Variants in TBC1D2B observed in about 807,000 individuals in gnomAD.
TBC1D2B encodes the protein TBC1 domain family, member 2B.
Under a neutral mutation model 100.8 loss-of-function variants are expected in TBC1D2B, and 64 were observed. That is an observed-to-expected ratio of 0.64 (90% confidence interval 0.52 to 0.78). TBC1D2B has a LOEUF of 0.78. TBC1D2B is among the 30% of genes least tolerant of loss of function. TBC1D2B has a pLI of 0.00. For synonymous variants in TBC1D2B, 480 were observed against 479.7 expected, an observed-to-expected ratio of 1.00 and a Z score of -0.01; for missense variants, 1,052 against 1,218.4, an observed-to-expected ratio of 0.86 and a Z score of 2.03.
rs1264452769 is a variant in TBC1D2B, at chr15:78,030,103, TG to T, written c.750del (p.Asn251MetfsTer7). ...HNDSRRTVFY[T>X]NEEWELLDPT... is the part of the protein sequence containing the mutation. ...GGGTCTAAAAGTTCCCACTCTTCAT[TG>T]GTATAAAACACAGTCCTCCGACTAT... On this transcript the variant is annotated frameshift_variant, in exon 4 of 13. Coordinates refer to ENST00000300584, the MANE Select transcript of TBC1D2B (RefSeq NM_144572.2). LOFTEE classifies it high-confidence loss of function. The T allele has an allele frequency of 6.2e-7, 1 of 1,613,798 alleles. No individual in the cohort carries two copies. Among genetic ancestry groups the T allele is most frequent in the Non-Finnish European group, 8.5e-7 (1 of 1,179,820 alleles).
chr15:78,043,982 G>GC (rs937242510), intron 3 of TBC1D2B, among the ~76,000 whole-genome samples: 1 of 149,866 alleles, frequency 6.7e-6, no homozygotes, highest in African/African-American at 2.5e-5. Flanking sequence ...CATGAACCAC[G>GC]CAACTGCATG....
chr15:78,049,657 C>T (rs2073270308), intron 2 of TBC1D2B, among the ~76,000 whole-genome samples: 1 of 152,182 alleles, frequency 6.6e-6, no homozygotes, highest in African/African-American at 2.4e-5. Context: ...TATTCACCTG[C>T]ACCAAGTCCC....
intron 12 of TBC1D2B, among the ~76,000 whole-genome samples, chr15:78,000,629 C>G (rs72732538): frequency 6.6e-6 from 1 of 152,182 alleles, no homozygotes; most frequent in Non-Finnish European, 1.5e-5. Flanking sequence ...AAAATAGCGA[C>G]GACCTCCAGG....
At chr15:78,019,485 T>TCAAGTACTTGTCACGTCATGA (rs2072458572) in intron 6 of TBC1D2B, among the ~76,000 whole-genome samples, 1 of 152,176 alleles carries the variant, frequency 6.6e-6, no homozygotes, top group African/African-American at 2.4e-5. Flanking sequence ...CTGAGCACAT[T>TCAAGTACTTGTCACGTCATGA]CAAGTACTTG....
chr15:78,029,214 G>A (rs1171433135), intron 4 of TBC1D2B, among the ~76,000 whole-genome samples: 3 of 151,800 alleles, frequency 2.0e-5, no homozygotes, highest in African/African-American at 4.8e-5. Context: ...CCCCCACCAC[G>A]CCCAGCTAAT....
At chr15:78,018,070 AG>A in intron 6 of TBC1D2B, 113 bp from the exon 7 acceptor site, 1 of 564,114 alleles carries the variant, frequency 1.8e-6, no homozygotes, top group East Asian at 3.1e-5. Flanking sequence ...CTGCTAAGTT[AG>A]AGTAAGTTCT....
intron 1 of TBC1D2B, among the ~76,000 whole-genome samples, chr15:78,076,583 A>T (rs200431120): frequency 2.0e-5 from 1 of 50,384 alleles, no homozygotes; most frequent in African/African-American, 4.7e-5. Flanking sequence ...CCGTTTCTTT[A>T]AAAAAAAAAA....
In TBC1D2B at chr15:78,047,712, G is replaced by T. The variant is rs537917909; in HGVS notation, c.515-2644C>A. 1.6e-4 allele frequency among the ~76,000 whole-genome samples: 24 copies of T among 152,320 alleles called. No individual in the cohort carries two copies. The South Asian group carries it at 5.0e-3, about 32-fold the overall frequency. ...CTCCATCAGGACACTAGAGTCCAGA[G>T]CCAGGGCCAGAACCCAGACACCTGC... On this transcript the variant is annotated intron_variant, in intron 2 of 12. Transcript: ENST00000300584.
intron 2 of TBC1D2B, among the ~76,000 whole-genome samples, chr15:78,052,669 C>G (rs1223401593): frequency 6.6e-6 from 1 of 152,196 alleles, no homozygotes; most frequent in African/African-American, 2.4e-5. Context: ...TAGAAAGAAG[C>G]ACTTGGTGCC....
chr15:78,044,423 C>G (rs28410292), intron 3 of TBC1D2B, among the ~76,000 whole-genome samples: 1 of 152,180 alleles, frequency 6.6e-6, no homozygotes, highest in Non-Finnish European at 1.5e-5. Context: ...AAGACCTCAT[C>G]TCATAAAAAC....
In TBC1D2B at chr15:78,030,006, C is replaced by T; in HGVS notation, c.847+1G>A. On this transcript the variant is annotated splice_donor_variant, in intron 4 of 12. Transcript: ENST00000300584. LOFTEE classifies it high-confidence loss of function. ...ACAGACAACAGGAAGTACATTGATA[C>T]CTTTGTTTCCTTCAGGGGTCAGCTT... 6.2e-7 allele frequency: 1 copy of T among 1,605,312 alleles called. No individual in the cohort carries two copies. Among genetic ancestry groups the T allele is most frequent in the Non-Finnish European group, 8.5e-7 (1 of 1,176,890 alleles).
chr15:78,024,242 C>T lies in TBC1D2B; in HGVS notation c.1384G>A (p.Gly462Ser). The T allele has an allele frequency of 1.2e-6, 2 of 1,613,930 alleles. No homozygotes were observed. Among genetic ancestry groups the T allele is most frequent in the Non-Finnish European group, 1.7e-6 (2 of 1,179,900 alleles). ...EVIIKLSEGE[G>S]NGPPPTVAPS... The stretch of plus-strand genomic sequence containing the variant: ...GCCACGGTGGGAGGAGGCCCGTTGC[C>T]CTCGCCCTCGCTGAGCTTGATGATG... Residue 462 changes from glycine to serine, a missense_variant, in exon 6 of 13, where the codon GGC becomes AGC. Physicochemically the swap from Gly to Ser is moderately conservative, Grantham distance 56 (BLOSUM62 0). Coordinates refer to ENST00000300584, the MANE Select transcript of TBC1D2B (RefSeq NM_144572.2).
intron 6 of TBC1D2B, among the ~76,000 whole-genome samples, chr15:78,021,461 A>G (rs1014410166): frequency 1.3e-5 from 2 of 152,224 alleles, no homozygotes; most frequent in Non-Finnish European, 2.9e-5. Flanking sequence ...CACTTCTGTC[A>G]GTGCGCTCCC....
chr15:78,075,165 T>C (rs2073808511), intron 1 of TBC1D2B, among the ~76,000 whole-genome samples: 1 of 152,204 alleles, frequency 6.6e-6, no homozygotes, highest in African/African-American at 2.4e-5. Flanking sequence ...CAATGCGCCT[T>C]GTAACCCTGC....
intron 10 of TBC1D2B, among the ~76,000 whole-genome samples, chr15:78,005,183 G>A (rs894301): frequency 0.14 from 21,648 of 152,198 alleles, 1,810 homozygotes; most frequent in Non-Finnish European, 0.19. Context: ...CTTGGCGGAG[G>A]GCTGGTGTGG....
intron 1 of TBC1D2B, among the ~76,000 whole-genome samples, chr15:78,060,683 G>A (rs919264858): frequency 6.6e-6 from 1 of 151,994 alleles, no homozygotes; most frequent in Non-Finnish European, 1.5e-5. Context: ...TTGGGAGGCC[G>A]AGACAGGCAG....
rs548763087 is a variant in TBC1D2B at position 78,044,500 on chromosome 15, A to T, written c.683+400T>A. ...GCCCATGCACAAACAGAGAATGGAAATCCAGAGCACAGGACGTGGCCAGCC... is the reference window on the plus strand; with the variant it reads ...GCCCATGCACAAACAGAGAATGGAATTCCAGAGCACAGGACGTGGCCAGCC... On this transcript the variant is annotated intron_variant, in intron 3 of 12. Transcript: ENST00000300584. Among the ~76,000 whole-genome samples the T allele has an allele frequency of 9.8e-5, 15 of 152,300 alleles. No individual in the cohort carries two copies. In the South Asian group the frequency reaches 2.9e-3, roughly 29 times the overall value.
At chr15:77,999,189 C>T (rs1032208392) in intron 12 of TBC1D2B, 12 of 427,166 alleles carry the variant, frequency 2.8e-5, no homozygotes, top group Admixed American at 1.0e-4. Context: ...TGGGCTCATG[C>T]GCTTCCCTGT....
chr15:77,998,462 G>T, intron 12 of TBC1D2B, 107 bp from the exon 13 acceptor site: 1 of 1,056,936 alleles, frequency 9.5e-7, no homozygotes, highest in Non-Finnish European at 1.3e-6. Flanking sequence ...TGGGAAGAGC[G>T]CTGGCCAGGC....
Sources: allele counts gnomAD v4.1 joint callset (sites outside exome capture counted in the v4.1 genomes callset), GRCh38; gene constraint gnomAD v4.1.1; transcripts MANE v1.5; gene names NCBI Gene and HGNC (gene_info 2026-07-23, HGNC 2026-07-21).